CLASP2: variants seen among roughly 807,000 people sequenced by gnomAD.
CLASP2 encodes the protein cytoplasmic linker associated protein 2.
Under a neutral mutation model 194.4 loss-of-function variants are expected in CLASP2, and 47 were observed. That is an observed-to-expected ratio of 0.24 (90% CI 0.19 to 0.31). The LOEUF (loss-of-function observed/expected upper bound fraction) is 0.31. Ranked by LOEUF, CLASP2 falls within the 10% of genes least tolerant of loss-of-function variation. CLASP2 has a pLI of 1.00. For missense variants in CLASP2, 1,445 were observed against 1,823.6 expected, an observed-to-expected ratio of 0.79 and a Z score of 3.78; for synonymous variants, 619 against 633.5, an observed-to-expected ratio of 0.98 and a Z score of 0.34.
At chr3:33,680,755 G>A (rs1159419834) in intron 6 of CLASP2, among the ~76,000 whole-genome samples, 3 of 152,046 alleles carry the variant, frequency 2.0e-5, no homozygotes, top group Non-Finnish European at 4.4e-5. Flanking sequence ...AGGCTGCAGT[G>A]AACCGTGGTC....
intron 33 of CLASP2, among the ~76,000 whole-genome samples, chr3:33,538,012 G>A (rs2057693901): frequency 6.6e-6 from 1 of 152,158 alleles, no homozygotes; most frequent in South Asian, 2.1e-4. Flanking sequence ...ATGGTGGCGG[G>A]CGCCTGTAGT....
At chr3:33,531,310 T>C (rs1462329156) in intron 34 of CLASP2, among the ~76,000 whole-genome samples, 5 of 152,082 alleles carry the variant, frequency 3.3e-5, no homozygotes, top group Non-Finnish European at 7.4e-5. Flanking sequence ...TGACAAGATA[T>C]TAATATCCAG....
At chr3:33,699,840 G>A (rs553449465) in intron 1 of CLASP2, among the ~76,000 whole-genome samples, 29 of 144,296 alleles carry the variant, frequency 2.0e-4, no homozygotes, top group Non-Finnish European at 3.3e-4. Flanking sequence ...AAGTGAAACC[G>A]TAGAAAGCAA....
In CLASP2 at chr3:33,501,615, A is replaced by G. The variant is rs369833968; in HGVS notation, c.4434+37T>C. 9 of 1,268,410 alleles carry G rather than the reference A, an allele frequency of 7.1e-6. No homozygotes were observed. In the African/African-American group the frequency reaches 1.0e-4, roughly 14 times the overall value. 78.6% of individuals were successfully genotyped at this position (1,268,410 alleles called of 1,614,324 possible). On this transcript the variant is annotated intron_variant, in intron 38 of 38. Transcript: ENST00000682230. ...GTAACTAAGTTTTGAAAGATGTACT[A>G]TGGCCACCATCTCTAAAACACAGCA...
At chr3:33,669,152 A>G (rs1483964654) in intron 6 of CLASP2, among the ~76,000 whole-genome samples, 1 of 152,238 alleles carries the variant, frequency 6.6e-6, no homozygotes, top group Non-Finnish European at 1.5e-5. Flanking sequence ...CACTTAATTT[A>G]TAACAAAATA....
At chr3:33,713,008 A>G (rs13071880) in intron 1 of CLASP2, among the ~76,000 whole-genome samples, 2 of 117,424 alleles carry the variant, frequency 1.7e-5, no homozygotes, top group Non-Finnish European at 1.7e-5. Context: ...GCAAAACTCC[A>G]CCTCAAAAAA....
In CLASP2 at chr3:33,516,053, T is replaced by C. The variant is rs754078855; in HGVS notation, c.4080A>G (p.Thr1360=). The C allele has an allele frequency of 8.7e-6, 14 of 1,611,186 alleles. No individual in the cohort carries two copies. In the Admixed American group the frequency reaches 1.0e-4, roughly 12 times the overall value. ...TATGAGGATCTTTATGTGCTTCCAA[T>C]GTTTTCATGACAGTCAATTCTGCAT... ...KNYAELTVMK[T]LEAHKDPHKE... Residue 1360 remains threonine, a synonymous_variant, in exon 36 of 39, where the codon ACA becomes ACG. Coordinates refer to ENST00000682230, the MANE Select transcript of CLASP2 (RefSeq NM_001365631.1).
chr3:33,513,307 G>A (rs1490156521), intron 36 of CLASP2, among the ~76,000 whole-genome samples: 4 of 152,166 alleles, frequency 2.6e-5, no homozygotes, highest in Admixed American at 2.0e-4. Context: ...GGGAGGCCAA[G>A]CCAGGCAGAT....
chr3:33,534,754 C>T (rs1474288624), intron 34 of CLASP2, among the ~76,000 whole-genome samples: 2 of 152,138 alleles, frequency 1.3e-5, no homozygotes, highest in Non-Finnish European at 2.9e-5. Context: ...AGTGTTAGAG[C>T]TTAGAACTAA....
chr3:33,711,287 C>T (rs2092993893), intron 1 of CLASP2, among the ~76,000 whole-genome samples: 1 of 151,068 alleles, frequency 6.6e-6, no homozygotes, highest in Non-Finnish European at 1.5e-5. Flanking sequence ...ATTCTCTCAC[C>T]CAGGCCAGAG....
intron 8 of CLASP2, among the ~76,000 whole-genome samples, chr3:33,634,417 A>AAT (rs1231896177): frequency 1.3e-5 from 2 of 152,218 alleles, no homozygotes; most frequent in East Asian, 3.8e-4. Context: ...TCTCTGCTGC[A>AAT]ATTACTCAAC....
At chr3:33,540,232 ATTTTTT>A (rs11398038) in intron 32 of CLASP2, among the ~76,000 whole-genome samples, 7 of 122,106 alleles carry the variant, frequency 5.7e-5, no homozygotes, top group South Asian at 2.7e-4. Flanking sequence ...GACTGGCCAA[ATTTTTT>A]TTTTTTTTTT....
chr3:33,533,935 G>A (rs566805647), intron 34 of CLASP2, among the ~76,000 whole-genome samples: 27 of 152,160 alleles, frequency 1.8e-4, no homozygotes, highest in African/African-American at 5.8e-4. Context: ...GGCTGGTCTC[G>A]AACTCCTGGC....
rs567456249 is a variant in CLASP2, at chr3:33,498,573, T to C, written c.*58A>G. On this transcript the variant is annotated 3_prime_UTR_variant, in exon 39 of 39. Transcript: ENST00000682230. ...GTGTTTGAGAACTTCCTTTCATTGA[T>C]GAGGGTGGTCTATCTGTCCTTTCTT... 4 of 1,042,232 alleles carry C rather than the reference T, an allele frequency of 3.8e-6. No individual in the cohort carries two copies. The highest frequency in any genetic ancestry group is 3.8e-5 in the Admixed American group (2 of 52,568). The allele number at this position is 1,042,232 out of a possible 1,614,324, so 64.6% of individuals were successfully genotyped here.
chr3:33,543,585 C>T (rs768372766), intron 31 of CLASP2, 46 bp from the exon 32 acceptor site: 1 of 1,227,690 alleles, frequency 8.1e-7, no homozygotes, highest in South Asian at 1.2e-5. Flanking sequence ...CAGGTAAGTT[C>T]ACTTAAAAAA....
At chr3:33,509,463 C>T (rs1010240733) in intron 37 of CLASP2, among the ~76,000 whole-genome samples, 1 of 152,168 alleles carries the variant, frequency 6.6e-6, no homozygotes, top group Non-Finnish European at 1.5e-5. Flanking sequence ...GATCTGCCCA[C>T]CTTGGCCTCC....
chr3:33,545,925 A>G (rs912142764), intron 30 of CLASP2, among the ~76,000 whole-genome samples: 2 of 150,938 alleles, frequency 1.3e-5, no homozygotes, highest in African/African-American at 2.5e-5. Context: ...AAAAAAAAAG[A>G]GTGTTATGAG....
Position 33,559,340 on chromosome 3 carries a change from A to G in CLASP2, c.2976T>C (p.Phe992=). 1.9e-6 allele frequency: 3 copies of G among 1,599,000 alleles called. No individual in the cohort carries two copies. Among genetic ancestry groups the G allele is most frequent in the South Asian group, 1.1e-5 (1 of 88,578 alleles). Residue 992 remains phenylalanine, a synonymous_variant, in exon 29 of 39, where the codon TTT becomes TTC. Coordinates refer to ENST00000682230, the MANE Select transcript of CLASP2 (RefSeq NM_001365631.1). The part of the protein sequence containing the change: ...NDLQFNILMR[F]TVDQTQTPSL... ...TTGGTGTCTGGGTCTGATCAACTGT[A>G]AATCTCATTAGAATATTGAACTGAA...
At chr3:33,666,977 C>T (rs1011532812) in intron 6 of CLASP2, among the ~76,000 whole-genome samples, 4 of 152,080 alleles carry the variant, frequency 2.6e-5, no homozygotes, top group African/African-American at 7.2e-5. Context: ...TGTTAAACAT[C>T]TTTCTATGTG....
Sources: allele counts gnomAD v4.1 joint callset (sites outside exome capture counted in the v4.1 genomes callset), GRCh38; gene constraint gnomAD v4.1.1; transcripts MANE v1.5; gene names NCBI Gene and HGNC (gene_info 2026-07-23, HGNC 2026-07-21).